PEBP4: variants seen among roughly 807,000 people sequenced by gnomAD.
PEBP4 encodes phosphatidylethanolamine binding protein 4, also known as phosphatidylethanolamine-binding protein 4.
Under a neutral mutation model 23.9 loss-of-function variants are expected in PEBP4, and 22 were observed. The ratio of observed to expected loss-of-function variants is 0.92; its 90% confidence interval spans 0.66 to 1.31. The LOEUF (loss-of-function observed/expected upper bound fraction) is 1.31. Among genes scored for constraint, PEBP4 ranks in the 40% most tolerant of loss-of-function variants. The probability of loss-of-function intolerance (pLI) is 0.00; values close to 1 mark genes in which losing one functional copy is unlikely to be tolerated. For missense variants in PEBP4, 324 were observed against 281.7 expected (o/e 1.15, Z -1.07); for synonymous variants, 112 against 99.3 (o/e 1.13, Z -0.76).
intron 4 of PEBP4, among the ~76,000 whole-genome samples, chr8:22,807,880 C>CATCT (rs1806533227): frequency 6.6e-6 from 1 of 151,746 alleles, no homozygotes; most frequent in Non-Finnish European, 1.5e-5. Context: ...TCTATCCATC[C>CATCT]ATCCATCCAT....
intron 3 of PEBP4, among the ~76,000 whole-genome samples, chr8:22,878,737 G>A (rs1291690237): frequency 1.3e-5 from 2 of 152,198 alleles, no homozygotes; most frequent in African/African-American, 4.8e-5. Context: ...AGGAGGCTTG[G>A]AGCTCAGGGA....
chr8:22,896,175 G>A (rs1466305999), intron 3 of PEBP4: 1 of 152,284 alleles, frequency 6.6e-6, no homozygotes, highest in Non-Finnish European at 1.5e-5. Context: ...TCTGGGAGGA[G>A]AGACAGGGAA....
At chr8:22,857,344 C>T (rs922776793) in intron 3 of PEBP4, among the ~76,000 whole-genome samples, 1 of 152,142 alleles carries the variant, frequency 6.6e-6, no homozygotes, top group Non-Finnish European at 1.5e-5. Context: ...ATACGGGGCT[C>T]CATCACCTAC....
chr8:22,930,857 G>T (rs7846053), upstream of PEBP4, among the ~76,000 whole-genome samples: 62,802 of 151,848 alleles, frequency 0.41, 13,904 homozygotes, highest in African/African-American at 0.56. Context: ...CCGGCTCCTG[G>T]AAAGTCCCAT....
chr8:22,818,406 A>G (rs1306364919), intron 3 of PEBP4, among the ~76,000 whole-genome samples: 1 of 152,190 alleles, frequency 6.6e-6, no homozygotes, highest in Non-Finnish European at 1.5e-5. Context: ...AGTGTTCTGG[A>G]AGGAAAAAAA....
chr8:22,747,751 C>T (rs1292300017), intron 4 of PEBP4, among the ~76,000 whole-genome samples: 1 of 152,230 alleles, frequency 6.6e-6, no homozygotes, highest in Non-Finnish European at 1.5e-5. Context: ...TCCTGGCCGG[C>T]GTTTGCCCGC....
chr8:22,871,623 T>G (rs866213476), intron 3 of PEBP4, among the ~76,000 whole-genome samples: 1 of 151,100 alleles, frequency 6.6e-6, no homozygotes, highest in East Asian at 1.9e-4. Flanking sequence ...GGTACGATCT[T>G]GGCTCACTGC....
At chr8:22,880,251 TG>T (rs1311399629) in intron 3 of PEBP4, among the ~76,000 whole-genome samples, 1 of 152,192 alleles carries the variant, frequency 6.6e-6, no homozygotes, top group Admixed American at 6.5e-5. Flanking sequence ...ACCTCTTCAG[TG>T]GGTGCCCATG....
rs553665229 is a variant in PEBP4 at position 22,768,815 on chromosome 8, C to A, written c.358-41595G>T. 1.1e-4 allele frequency among the ~76,000 whole-genome samples: 17 copies of A among 152,304 alleles called. 1 individual carries two copies. The South Asian group carries it at 3.5e-3, about 32-fold the overall frequency. ...TCCATTTGCAGCCTCCGGAGACCCA[C>A]CCTTGGCTGTGTCACCGGCAGATAC... On this transcript the variant is annotated intron_variant, in intron 4 of 6. Coordinates refer to ENST00000256404, the MANE Select transcript of PEBP4 (RefSeq NM_144962.3).
chr8:22,786,823 G>A (rs925752333), intron 4 of PEBP4, among the ~76,000 whole-genome samples: 20 of 141,416 alleles, frequency 1.4e-4, no homozygotes, highest in African/African-American at 2.9e-4. Context: ...ACCCCCTACC[G>A]CTTTTTTTTT....
At chr8:22,888,301 G>A (rs1041322645) in intron 3 of PEBP4, among the ~76,000 whole-genome samples, 8 of 151,932 alleles carry the variant, frequency 5.3e-5, no homozygotes, top group South Asian at 2.1e-4. Flanking sequence ...TTACAGGCTC[G>A]TGCCACCAAG....
chr8:22,840,998 A>T (rs1269948829), intron 3 of PEBP4, among the ~76,000 whole-genome samples: 1 of 152,264 alleles, frequency 6.6e-6, no homozygotes, highest in Non-Finnish European at 1.5e-5. Flanking sequence ...GCAATAAAAG[A>T]TTCTCGAAGA....
At chr8:22,795,163 ATTTTTTTTTT>A (rs33911395) in intron 4 of PEBP4, among the ~76,000 whole-genome samples, 59 of 47,340 alleles carry the variant, frequency 1.2e-3, no homozygotes, top group Non-Finnish European at 1.5e-3. Context: ...ATATATATAT[ATTTTTTTTTT>A]TTTTTTTTTT....
chr8:22,866,962 G>T (rs1182640060), intron 3 of PEBP4, among the ~76,000 whole-genome samples: 1 of 152,072 alleles, frequency 6.6e-6, no homozygotes, highest in African/African-American at 2.4e-5. Flanking sequence ...TTGTACCCCA[G>T]CTGTGCAAAG....
At chr8:22,740,960 C>T (rs1284437033) in intron 4 of PEBP4, among the ~76,000 whole-genome samples, 1 of 152,272 alleles carries the variant, frequency 6.6e-6, no homozygotes, top group East Asian at 1.9e-4. Context: ...AGATCATGCT[C>T]CCCCCACCTA....
At chr8:22,868,889 T>C (rs140977902) in intron 3 of PEBP4, among the ~76,000 whole-genome samples, 19 of 152,300 alleles carry the variant, frequency 1.2e-4, no homozygotes, top group Admixed American at 2.6e-4. Context: ...AGAGAAGTCG[T>C]GTTCAAACCT....
intron 3 of PEBP4, among the ~76,000 whole-genome samples, chr8:22,854,153 G>A (rs959211395): frequency 9.9e-5 from 15 of 152,164 alleles, no homozygotes; most frequent in African/African-American, 3.6e-4. Context: ...TACCCTTCAG[G>A]AATCGACTGA....
chr8:22,906,131 G>A (rs1808807487), intron 3 of PEBP4, among the ~76,000 whole-genome samples: 1 of 152,136 alleles, frequency 6.6e-6, no homozygotes, highest in Non-Finnish European at 1.5e-5. Context: ...CTTCACTTCA[G>A]CCTACCCCCA....
intron 4 of PEBP4, among the ~76,000 whole-genome samples, chr8:22,779,520 C>A (rs1315545489): frequency 2.0e-5 from 3 of 152,068 alleles, no homozygotes; most frequent in African/African-American, 7.2e-5. Flanking sequence ...CCCACCCACA[C>A]CCCCATTATA....
Sources: allele counts gnomAD v4.1 joint callset (sites outside exome capture counted in the v4.1 genomes callset), GRCh38; gene constraint gnomAD v4.1.1; transcripts MANE v1.5; gene names NCBI Gene and HGNC (gene_info 2026-07-23, HGNC 2026-07-21).